SEPTIN9: variants seen among roughly 807,000 people sequenced by gnomAD.
SEPTIN9 encodes septin 9.
SEPTIN9 carries 13 observed loss-of-function variants against 56.6 expected under a neutral mutation model. The ratio of observed to expected loss-of-function variants is 0.23; its 90% CI spans 0.15 to 0.37. The LOEUF is 0.37. Ranked by LOEUF, SEPTIN9 falls within the 10% of genes least tolerant of loss-of-function variation. The probability of loss-of-function intolerance (pLI) is 1.00; values close to 1 mark genes in which losing one functional copy is unlikely to be tolerated. For missense variants in SEPTIN9, 650 were observed against 823.1 expected (o/e 0.79, Z 2.57); for synonymous variants, 332 against 334.1 (o/e 0.99, Z 0.07).
chr17:77,429,388 A>C lies in SEPTIN9; in HGVS notation c.721+26685A>C, dbSNP rs1363403247. 2.3e-6 allele frequency: 1 copy of C among 426,218 alleles called. No homozygotes were observed. Among genetic ancestry groups the C allele is most frequent in the African/African-American group, 2.0e-5 (1 of 49,298 alleles). The allele number at this position is 426,218 out of a possible 1,614,324, so 26.4% of individuals were successfully genotyped here. ...TCGCAGGTTGCAAAATGGGGACATC[A>C]CCGTCCGCCTGGGCTACAGCGTGCT... On this transcript the variant is annotated intron_variant, in intron 3 of 11. Coordinates refer to ENST00000427177, the MANE Select transcript of SEPTIN9 (RefSeq NM_001113491.2). This position sits in a 1 kb window ranked among gnomAD's most constrained non-coding sequence, Gnocchi z 5.2.
chr17:77,402,943 T>C lies in SEPTIN9; in HGVS notation c.721+240T>C, dbSNP rs577299672. ...GACTTGAATGAGAGTTTGGAAAGAT[T>C]TTCTGGGTTTCAAGGAGCCTCCTTT... On this transcript the variant is annotated intron_variant, in intron 3 of 11. Coordinates refer to ENST00000427177, the MANE Select transcript of SEPTIN9 (RefSeq NM_001113491.2). This position sits in a 1 kb window ranked among gnomAD's most constrained non-coding sequence, Gnocchi z 6.6. Among the ~76,000 whole-genome samples, 2 of 152,014 alleles carry C rather than the reference T, an allele frequency of 1.3e-5. No individual in the cohort carries two copies. The highest frequency in any genetic ancestry group is 3.9e-4 in the East Asian group (2 of 5,172).
At chr17:77,481,364 G>A (rs1156658976) in intron 3 of SEPTIN9, among the ~76,000 whole-genome samples, 1 of 151,964 alleles carries the variant, frequency 6.6e-6, no homozygotes, top group Non-Finnish European at 1.5e-5. Flanking sequence ...CAAGACGGCC[G>A]CCTGGGTCAG....
intron 11 of SEPTIN9, chr17:77,497,646 CCGGTGGCCACTAAGGGCCCAGTGAGGCCT>C: frequency 1.9e-6 from 1 of 538,718 alleles, no homozygotes; most frequent in Non-Finnish European, 3.4e-6. Flanking sequence ...TTAGAGCTGC[CCGGTGGCCACTAAGGGCCCAGTGAGGCCT>C]CATGTGCAGG....
Position 77,488,789 on chromosome 17 carries a change from A to G in SEPTIN9, c.1187A>G (p.Asn396Ser), listed in dbSNP as rs763187057. 8 of 1,613,940 alleles carry G rather than the reference A, an allele frequency of 5.0e-6. No individual in the cohort carries two copies. Among genetic ancestry groups the G allele is most frequent in the African/African-American group, 2.7e-5 (2 of 75,042 alleles). ...QYEKYLQEEVNINRKKRIPDT... is the reference protein window; with the variant it reads ...QYEKYLQEEVSINRKKRIPDT... ...GAGAAATACCTGCAGGAGGAGGTCAACATCAACCGCAAGAAGCGCATCCCG... is the reference window on the plus strand; with the variant it reads ...GAGAAATACCTGCAGGAGGAGGTCAGCATCAACCGCAAGAAGCGCATCCCG... The change falls in exon 7 of 12, where the codon AAC becomes AGC. Residue 396 changes from asparagine to serine, a missense_variant. Around this residue, in one of 2 missense-constraint regions of SEPTIN9, gnomAD observed 333 missense variants for 494.0 expected, o/e 0.67. Transcript: ENST00000427177.
chr17:77,495,440 T>G, intron 10 of SEPTIN9, among the ~76,000 whole-genome samples: 1 of 152,230 alleles, frequency 6.6e-6, no homozygotes, highest in East Asian at 1.9e-4. Flanking sequence ...GAACAGCATC[T>G]TGAGGTATCT....
chr17:77,334,611 A>G (rs1447914207), intron 2 of SEPTIN9, among the ~76,000 whole-genome samples: 1 of 151,996 alleles, frequency 6.6e-6, no homozygotes, highest in South Asian at 2.1e-4. Context: ...AACTTTTTCC[A>G]GTTTCGATTT....
intron 3 of SEPTIN9, among the ~76,000 whole-genome samples, chr17:77,479,770 G>T (rs2039374660): frequency 6.7e-6 from 1 of 149,264 alleles, no homozygotes; most frequent in African/African-American, 2.4e-5. Flanking sequence ...AGGGTTGAGG[G>T]ATGCTGGGGG....
chr17:77,411,397 C>CTT (rs55741267), intron 3 of SEPTIN9, among the ~76,000 whole-genome samples: 3 of 142,172 alleles, frequency 2.1e-5, no homozygotes, highest in East Asian at 2.1e-4. Context: ...TTTTCTTTTT[C>CTT]TTTTTTTTTT....
chr17:77,454,284 T>G (rs1428420850), intron 3 of SEPTIN9: 3 of 985,426 alleles, frequency 3.0e-6, no homozygotes, highest in African/African-American at 3.5e-5. Context: ...GGCCCTTGGC[T>G]GGGACTCTAG....
intron 3 of SEPTIN9, among the ~76,000 whole-genome samples, chr17:77,455,810 A>C (rs2038174903): frequency 6.6e-6 from 1 of 152,200 alleles, no homozygotes. Context: ...CAGATTTTCA[A>C]CTTTTATCCA....
chr17:77,373,803 C>G (rs979640683), intron 2 of SEPTIN9: 2 of 542,588 alleles, frequency 3.7e-6, no homozygotes, highest in Non-Finnish European at 5.8e-6. Context: ...TGTGCTCGTT[C>G]TGCGCACTGC....
intron 3 of SEPTIN9, among the ~76,000 whole-genome samples, chr17:77,464,715 C>T (rs1183458432): frequency 6.6e-6 from 1 of 152,038 alleles, no homozygotes; most frequent in African/African-American, 2.4e-5. Flanking sequence ...ATTCTCCTGC[C>T]TCAGCCTCCC....
intron 2 of SEPTIN9, chr17:77,373,715 G>A: frequency 7.6e-7 from 1 of 1,322,396 alleles, no homozygotes; most frequent in Non-Finnish European, 9.7e-7. Context: ...GCGCGCCCCC[G>A]GCCCCGTGCC....
chr17:77,395,596 G>C (rs191705040), intron 2 of SEPTIN9, among the ~76,000 whole-genome samples: 1 of 151,814 alleles, frequency 6.6e-6, no homozygotes, highest in East Asian at 1.9e-4. Context: ...TCCCCATGTA[G>C]TATAAGCATC....
At chr17:77,290,051 T>C (rs558957743) in intron 1 of SEPTIN9, among the ~76,000 whole-genome samples, 89 of 152,206 alleles carry the variant, frequency 5.8e-4, no homozygotes, top group Non-Finnish European at 1.2e-3. Flanking sequence ...ATCACTATAA[T>C]GGCTCTTCAG....
At chr17:77,373,816 C>T (rs1435343629) in intron 2 of SEPTIN9, 6 of 496,202 alleles carry the variant, frequency 1.2e-5, no homozygotes, top group Admixed American at 8.8e-5. Context: ...CGCACTGCCG[C>T]CTGGGTTTCC....
chr17:77,423,426 G>T (rs1385098831), intron 3 of SEPTIN9, among the ~76,000 whole-genome samples: 1 of 152,214 alleles, frequency 6.6e-6, no homozygotes, highest in East Asian at 1.9e-4. Context: ...AACCGGCGAG[G>T]CATCTCTCAC....
chr17:77,346,489 C>G (rs1315326965), intron 2 of SEPTIN9, among the ~76,000 whole-genome samples: 1 of 151,774 alleles, frequency 6.6e-6, no homozygotes, highest in African/African-American at 2.4e-5. Context: ...ATAGTCAAGG[C>G]TCCTCTGAGT....
intron 2 of SEPTIN9, among the ~76,000 whole-genome samples, chr17:77,385,764 C>T (rs539506527): frequency 9.9e-4 from 150 of 152,254 alleles, no homozygotes; most frequent in African/African-American, 3.5e-3. Context: ...CTAGGTGCCT[C>T]TGCCAGCACT....
Sources: gnomAD v4.1 joint callset for allele counts (sites outside exome capture counted in the v4.1 genomes callset) on GRCh38, gnomAD v4.1.1 for gene constraint, gnomAD v4.1.1 regional missense constraint, Gnocchi (gnomAD v3.1) non-coding constraint, MANE v1.5 for transcripts, NCBI Gene and HGNC (gene_info 2026-07-23, HGNC 2026-07-21) for gene names.